The following DCLK1 variants were observed in gnomAD, a reference collection of about 807,000 sequenced individuals.
The protein encoded by DCLK1 is doublecortin like kinase 1.
In DCLK1, 16 loss-of-function variants were observed where a neutral mutation model predicts 86.2. The observed-to-expected ratio is 0.19, with a 90% confidence interval of 0.13 to 0.28. DCLK1 has a LOEUF of 0.28. Among genes scored for constraint, DCLK1 ranks in the 10% least tolerant of loss-of-function variants. The pLI is 1.00. For missense variants in DCLK1, 590 were observed against 940.2 expected, an observed-to-expected ratio of 0.63 and a Z score of 4.87; for synonymous variants, 369 against 370.5, an observed-to-expected ratio of 1.00 and a Z score of 0.05.
chr13:35,980,559 T>A (rs1275967830), intron 3 of DCLK1, among the ~76,000 whole-genome samples: 1 of 152,112 alleles, frequency 6.6e-6, no homozygotes, highest in African/African-American at 2.4e-5. Flanking sequence ...CCCTTCTACT[T>A]TCTGTCTTTT....
intron 3 of DCLK1, among the ~76,000 whole-genome samples, chr13:36,097,517 G>A (rs186192914): frequency 1.3e-5 from 2 of 151,732 alleles, no homozygotes; most frequent in Non-Finnish European, 2.9e-5. Flanking sequence ...TTCCACTATT[G>A]GGAATATAAA....
chr13:35,947,607 G>A (rs1388017111), intron 3 of DCLK1, 150 bp from the exon 4 acceptor site: 4 of 545,578 alleles, frequency 7.3e-6, no homozygotes, highest in African/African-American at 1.9e-5. Flanking sequence ...AGAGGGGTTC[G>A]AGCATCTGTT....
At chr13:35,843,977 AG>A (rs1293616127) in intron 6 of DCLK1, among the ~76,000 whole-genome samples, 4 of 152,174 alleles carry the variant, frequency 2.6e-5, no homozygotes, top group Non-Finnish European at 5.9e-5. Context: ...TGAAACCCAC[AG>A]AATTCTATAT....
At chr13:35,907,841 T>TAAAAAAAAAAAA in intron 4 of DCLK1, among the ~76,000 whole-genome samples, 1 of 140,700 alleles carries the variant, frequency 7.1e-6, no homozygotes, top group African/African-American at 2.6e-5. Flanking sequence ...GAAAAAACTT[T>TAAAAAAAAAAAA]AAAAAAAAAA....
At chr13:36,048,853 T>C (rs1179322708) in intron 3 of DCLK1, among the ~76,000 whole-genome samples, 1 of 152,150 alleles carries the variant, frequency 6.6e-6, no homozygotes, top group Non-Finnish European at 1.5e-5. Flanking sequence ...TGTGGGCAAA[T>C]GCTGCAAAAG....
intron 3 of DCLK1, among the ~76,000 whole-genome samples, chr13:36,101,503 C>T (rs929605951): frequency 1.3e-5 from 2 of 152,166 alleles, no homozygotes; most frequent in Non-Finnish European, 2.9e-5. Context: ...CAACAACAGC[C>T]GGGGTTCGCC....
Position 36,014,440 on chromosome 13 carries a change from G to GT in DCLK1, c.724-66984dup, listed in dbSNP as rs146842208. On this transcript the variant is annotated intron_variant, in intron 3 of 16. Transcript: ENST00000360631. ...TTTTAAATTACAGCCGATAAAAACTGTTTTTTTTTACAGCCTTATTTTCTC... is the reference window on the plus strand; with the variant it reads ...TTTTAAATTACAGCCGATAAAAACTGTTTTTTTTTTACAGCCTTATTTTCTC... Among the ~76,000 whole-genome samples the GT allele has an allele frequency of 1.3e-3, 191 of 150,660 alleles. 2 individuals are homozygous for GT. In the East Asian group the frequency reaches 0.027, roughly 21 times the overall value.
At chr13:35,846,320 A>G in intron 6 of DCLK1, 13 of 985,332 alleles carry the variant, frequency 1.3e-5, no homozygotes, top group Non-Finnish European at 1.6e-5. Context: ...CTTACTGATG[A>G]GTATCAACTC....
At chr13:35,999,811 G>A (rs1880633783) in intron 3 of DCLK1, among the ~76,000 whole-genome samples, 1 of 152,164 alleles carries the variant, frequency 6.6e-6, no homozygotes, top group Non-Finnish European at 1.5e-5. Context: ...GGTCTGGAAG[G>A]ATGATGCTTG....
intron 2 of DCLK1, among the ~76,000 whole-genome samples, chr13:36,123,884 T>C (rs1266322168): frequency 6.6e-6 from 1 of 152,172 alleles, no homozygotes; most frequent in African/African-American, 2.4e-5. Context: ...ATGCCATAAT[T>C]TTGCTGGTCC....
intron 3 of DCLK1, among the ~76,000 whole-genome samples, chr13:36,084,051 T>C (rs1011508201): frequency 2.0e-5 from 3 of 152,232 alleles, no homozygotes; most frequent in Non-Finnish European, 4.4e-5. Context: ...AAACTAAATG[T>C]ATTTGTCCCT....
intron 6 of DCLK1, among the ~76,000 whole-genome samples, chr13:35,839,690 C>T (rs1001954627): frequency 6.6e-6 from 1 of 152,150 alleles, no homozygotes; most frequent in African/African-American, 2.4e-5. Context: ...TTGTCATTTC[C>T]ATCTTGAGAT....
chr13:35,966,877 G>A (rs1878774235), intron 3 of DCLK1, among the ~76,000 whole-genome samples: 1 of 152,014 alleles, frequency 6.6e-6, no homozygotes, highest in Non-Finnish European at 1.5e-5. Context: ...CCAGCCGCCT[G>A]CCTTGGCCTC....
intron 4 of DCLK1, among the ~76,000 whole-genome samples, chr13:35,911,432 G>C (rs377154395): frequency 7.9e-5 from 12 of 152,080 alleles, no homozygotes; most frequent in African/African-American, 2.9e-4. Flanking sequence ...GGACACCCAC[G>C]GGGCCACAGT....
chr13:36,038,683 T>A (rs1440723034), intron 3 of DCLK1, among the ~76,000 whole-genome samples: 1 of 152,218 alleles, frequency 6.6e-6, no homozygotes, highest in Non-Finnish European at 1.5e-5. Flanking sequence ...GCCAGCATGA[T>A]AATGAAAATG....
At chr13:35,951,594 G>A (rs1013960539) in intron 3 of DCLK1, among the ~76,000 whole-genome samples, 4 of 151,534 alleles carry the variant, frequency 2.6e-5, no homozygotes, top group Admixed American at 6.6e-5. Context: ...TTTACTGAGT[G>A]CCCATTATTT....
intron 4 of DCLK1, among the ~76,000 whole-genome samples, chr13:35,900,104 G>A (rs1215027157): frequency 2.0e-5 from 3 of 152,076 alleles, no homozygotes; most frequent in Non-Finnish European, 4.4e-5. Context: ...TGAGAAAGAA[G>A]GAATTATTGA....
intron 4 of DCLK1, among the ~76,000 whole-genome samples, chr13:35,886,921 C>T (rs957396736): frequency 2.6e-5 from 4 of 152,164 alleles, no homozygotes; most frequent in African/African-American, 9.7e-5. Context: ...ACTACACTTG[C>T]TAGGAGCTTC....
chr13:35,960,294 G>C (rs1412855682), intron 3 of DCLK1, among the ~76,000 whole-genome samples: 1 of 152,072 alleles, frequency 6.6e-6, no homozygotes, highest in Non-Finnish European at 1.5e-5. Context: ...ACCATGTGCA[G>C]TAATTTTCCT....
Sources: gnomAD v4.1 joint callset for allele counts (sites outside exome capture counted in the v4.1 genomes callset) on GRCh38, gnomAD v4.1.1 for gene constraint, MANE v1.5 for transcripts, NCBI Gene and HGNC (gene_info 2026-07-23, HGNC 2026-07-21) for gene names.